Variants in FAF1 observed in about 807,000 individuals in gnomAD.
FAF1 encodes the protein Fas associated factor 1.
A neutral mutation model predicts 92.5 loss-of-function variants in FAF1; 25 were observed. The observed-to-expected ratio is 0.27, with a 90% CI of 0.20 to 0.38. The LOEUF (loss-of-function observed/expected upper bound fraction) is 0.38, where lower values mean the gene tolerates loss of function less well. Ranked by LOEUF, FAF1 falls within the 10% of genes least tolerant of loss-of-function variation. The pLI is 1.00. For synonymous variants in FAF1, 234 were observed against 273.2 expected (o/e 0.86, Z 1.42); for missense variants, 636 against 793.3 (o/e 0.80, Z 2.38).
chr1:50,782,862 C>G (rs147413451), intron 4 of FAF1, among the ~76,000 whole-genome samples: 2 of 151,978 alleles, frequency 1.3e-5, no homozygotes, highest in African/African-American at 2.4e-5. Flanking sequence ...ACTGCTCACT[C>G]ATTGAGAGCA....
intron 17 of FAF1, among the ~76,000 whole-genome samples, chr1:50,482,641 G>A (rs1029769594): frequency 3.9e-5 from 6 of 152,264 alleles, no homozygotes; most frequent in African/African-American, 1.4e-4. Context: ...ATGTGTAAGA[G>A]TTCAGTTGCT....
chr1:50,902,763 T>C (rs190327118), intron 1 of FAF1, among the ~76,000 whole-genome samples: 1 of 152,328 alleles, frequency 6.6e-6, no homozygotes, highest in East Asian at 1.9e-4. Context: ...CCTAATACAA[T>C]GTAAATGATA....
intron 17 of FAF1, among the ~76,000 whole-genome samples, chr1:50,482,127 C>T (rs922669609): frequency 6.6e-6 from 1 of 152,144 alleles, no homozygotes; most frequent in Non-Finnish European, 1.5e-5. Context: ...TATTACCTCT[C>T]TCCCCGTTCA....
chr1:50,874,759 T>C (rs12754179), intron 1 of FAF1, among the ~76,000 whole-genome samples: 2 of 35,780 alleles, frequency 5.6e-5, no homozygotes, highest in African/African-American at 1.5e-4. Context: ...CTTTTCTTTC[T>C]TTTTTTTTTT....
In FAF1 at chr1:50,898,065, T is replaced by G. The variant is rs540863728; in HGVS notation, c.46-40068A>C. ...GAATGAGAATAAATAATTGTTGTTTTCAGCCACTTTACTATGAAGTTGTTT... is the reference window on the plus strand; with the variant it reads ...GAATGAGAATAAATAATTGTTGTTTGCAGCCACTTTACTATGAAGTTGTTT... On this transcript the variant is annotated intron_variant, in intron 1 of 18. Coordinates refer to ENST00000396153, the MANE Select transcript of FAF1 (RefSeq NM_007051.3). Among the ~76,000 whole-genome samples, 3 of 152,354 alleles carry G rather than the reference T, an allele frequency of 2.0e-5. No homozygotes were observed. In the South Asian group the frequency reaches 6.2e-4, roughly 32 times the overall value.
intron 13 of FAF1, 114 bp downstream of exon 13, chr1:50,566,963 A>G (rs1650200957): frequency 1.4e-6 from 1 of 716,784 alleles, no homozygotes; most frequent in East Asian, 2.8e-5. Context: ...GTCTAATGAA[A>G]TGCAATGGTA....
intron 4 of FAF1, among the ~76,000 whole-genome samples, chr1:50,770,173 A>T (rs980293068): frequency 1.3e-4 from 20 of 152,320 alleles, no homozygotes; most frequent in Non-Finnish European, 2.4e-4. Context: ...AGTTAGAAGC[A>T]TTCCCCTTGA....
chr1:50,836,170 G>GTTTTTTTTTTGTTTTT (rs1644200898), intron 2 of FAF1, among the ~76,000 whole-genome samples: 1 of 98,526 alleles, frequency 1.0e-5, no homozygotes, highest in Non-Finnish European at 2.0e-5. Flanking sequence ...TTTTGTTTCT[G>GTTTTTTTTTTGTTTTT]TTTTTTTTTT....
chr1:50,546,918 C>T (rs989858051), intron 13 of FAF1, among the ~76,000 whole-genome samples: 1 of 152,066 alleles, frequency 6.6e-6, no homozygotes, highest in African/African-American at 2.4e-5. Context: ...TTATATGAGT[C>T]TTCTGTTCAA....
intron 4 of FAF1, among the ~76,000 whole-genome samples, chr1:50,752,778 G>A (rs1183930342): frequency 2.0e-5 from 3 of 152,096 alleles, no homozygotes; most frequent in African/African-American, 4.8e-5. Context: ...CGCCTCCCGG[G>A]TTCAAGTGAT....
chr1:50,512,642 T>C (rs1647151661), intron 15 of FAF1, among the ~76,000 whole-genome samples: 1 of 152,208 alleles, frequency 6.6e-6, no homozygotes, highest in Non-Finnish European at 1.5e-5. Flanking sequence ...TGTAGCCTTG[T>C]AGTATAGTTT....
chr1:50,595,401 T>A (rs1157747339), intron 9 of FAF1, among the ~76,000 whole-genome samples: 1 of 152,066 alleles, frequency 6.6e-6, no homozygotes, highest in Non-Finnish European at 1.5e-5. Context: ...TTGGTATAGG[T>A]ATAGTGTTAT....
intron 17 of FAF1, among the ~76,000 whole-genome samples, chr1:50,476,584 T>C (rs954958919): frequency 5.3e-5 from 8 of 152,198 alleles, no homozygotes; most frequent in Non-Finnish European, 1.0e-4. Context: ...TTGGAATCTA[T>C]AAAAATCACT....
At chr1:50,939,190 T>C (rs186592985) in intron 1 of FAF1, among the ~76,000 whole-genome samples, 153 of 152,374 alleles carry the variant, frequency 1.0e-3, no homozygotes, top group Admixed American at 9.2e-3. Context: ...ATTCTTCCAA[T>C]GCATAAGCAT....
At chr1:50,870,931 GT>G (rs886500026) in intron 1 of FAF1, among the ~76,000 whole-genome samples, 33 of 152,236 alleles carry the variant, frequency 2.2e-4, no homozygotes, top group African/African-American at 7.0e-4. Context: ...TTAAAGCAAG[GT>G]TTTTTTGCAC....
chr1:50,956,627 T>C (rs779143024), intron 1 of FAF1, among the ~76,000 whole-genome samples: 2 of 152,200 alleles, frequency 1.3e-5, no homozygotes, highest in Non-Finnish European at 2.9e-5. Flanking sequence ...AGTATCCGTA[T>C]GCCAAGTCTT....
chr1:50,582,162 C>T (rs1041397004), intron 12 of FAF1, among the ~76,000 whole-genome samples: 1 of 152,118 alleles, frequency 6.6e-6, no homozygotes, highest in Admixed American at 6.6e-5. Flanking sequence ...CTATCAAGAA[C>T]TAGTCATTTG....
intron 6 of FAF1, among the ~76,000 whole-genome samples, chr1:50,714,671 C>T (rs1658099774): frequency 6.6e-6 from 1 of 152,158 alleles, no homozygotes; most frequent in Non-Finnish European, 1.5e-5. Context: ...GGAGTCCCAG[C>T]CACTCAAGAG....
intron 9 of FAF1, among the ~76,000 whole-genome samples, chr1:50,594,867 A>G (rs1450396313): frequency 7.3e-6 from 1 of 136,124 alleles, no homozygotes; most frequent in Non-Finnish European, 1.6e-5. Context: ...GTGAAACCCC[A>G]TCTCAAAAAA....
Sources: gnomAD v4.1 joint callset for allele counts (sites outside exome capture counted in the v4.1 genomes callset) on GRCh38, gnomAD v4.1.1 for gene constraint, MANE v1.5 for transcripts, NCBI Gene and HGNC (gene_info 2026-07-23, HGNC 2026-07-21) for gene names.